TBL1X: variants seen among roughly 807,000 people sequenced by gnomAD.
The protein encoded by TBL1X is transducin beta like 1 X-linked.
A neutral mutation model predicts 50.7 loss-of-function variants in TBL1X; 10 were observed. The ratio of observed to expected loss-of-function variants is 0.20; its 90% CI spans 0.12 to 0.33. The LOEUF is 0.33. Among genes scored for constraint, TBL1X ranks in the 10% least tolerant of loss-of-function variants. TBL1X has a pLI of 1.00. For missense variants in TBL1X, 340 were observed against 504.4 expected (o/e 0.67, Z 3.12); for synonymous variants, 190 against 214.7 (o/e 0.88, Z 1.01).
chrX:9,501,918 C>T (rs1165605431), intron 2 of TBL1X, 69 bp downstream of exon 2: 2 of 110,827 alleles, frequency 1.8e-5, no homozygotes, highest in African/African-American at 3.3e-5. Context: ...TCCTCCCCTC[C>T]GCCCTCCGCG....
intron 5 of TBL1X, among the ~76,000 whole-genome samples, chrX:9,665,336 A>G (rs1383832928): frequency 9.8e-6 from 1 of 102,475 alleles, no homozygotes; most frequent in Non-Finnish European, 2.0e-5. Flanking sequence ...AAAGGGTGTT[A>G]CTGAAACTGC....
At chrX:9,513,301 C>T (rs1421711520) in intron 2 of TBL1X, among the ~76,000 whole-genome samples, 1 of 110,939 alleles carries the variant, frequency 9.0e-6, no homozygotes. Context: ...TTAGACTCTA[C>T]TGACGAGTAT....
intron 12 of TBL1X, among the ~76,000 whole-genome samples, chrX:9,698,564 C>T (rs1021189796): frequency 9.0e-6 from 1 of 111,697 alleles, no homozygotes; most frequent in Non-Finnish European, 1.9e-5. Flanking sequence ...AGTCTCAGTG[C>T]CCAGAGTTTT....
Position 9,688,197 on chromosome X carries a change from G to A in TBL1X, c.538G>A (p.Ala180Thr). Residue 180 changes from alanine to threonine, a missense_variant, in exon 7 of 18, where the codon GCC (alanine) becomes ACC (threonine). Physicochemically the swap from Ala to Thr is moderately conservative, Grantham distance 58. This residue lies in a region of TBL1X where 99 missense variants were observed against 93.3 expected (regional missense o/e 1.06). Transcript: ENST00000645353. Reference sequence around the variant, plus strand: ...AGCGACAGCAGCCACCACGACCTCAGCCGGCGTTTCCCACCAAAATCCATC... The same window carrying A: ...AGCGACAGCAGCCACCACGACCTCAACCGGCGTTTCCCACCAAAATCCATC... The part of the protein sequence containing the change: ...AAATAATTTS[A>T]GVSHQNPSKN... 1 of 1,198,539 alleles carries A rather than the reference G, an allele frequency of 8.3e-7. No individual in the cohort carries two copies. The highest frequency in any genetic ancestry group is 1.8e-5 in the South Asian group (1 of 55,091).
At chrX:9,565,406 G>C (rs1235885896) in intron 2 of TBL1X, among the ~76,000 whole-genome samples, 1 of 110,924 alleles carries the variant, frequency 9.0e-6, no homozygotes, top group African/African-American at 3.3e-5. Flanking sequence ...CGAAAACGTG[G>C]AAGGGTCAGT....
intron 2 of TBL1X, among the ~76,000 whole-genome samples, chrX:9,543,209 A>C: frequency 9.0e-6 from 1 of 111,496 alleles, no homozygotes; most frequent in Admixed American, 9.4e-5. Context: ...GATCACCCTC[A>C]GTGCCTCCCT....
chrX:9,471,353 T>G (rs1213533010), intron 1 of TBL1X, among the ~76,000 whole-genome samples: 1 of 112,277 alleles, frequency 8.9e-6, no homozygotes, highest in East Asian at 2.8e-4. Flanking sequence ...TGTCCTACCG[T>G]GTAGAGTTAA....
At chrX:9,565,271 C>CAAAAAAAA (rs757679440) in intron 2 of TBL1X, among the ~76,000 whole-genome samples, 709 of 37,264 alleles carry the variant, frequency 0.019, 99 homozygotes, top group Admixed American at 0.024. Flanking sequence ...GACTCCGTCT[C>CAAAAAAAA]AAAAAAAAAA....
chrX:9,626,927 G>A (rs988448137), intron 2 of TBL1X, among the ~76,000 whole-genome samples: 6 of 112,190 alleles, frequency 5.3e-5, no homozygotes, highest in Middle Eastern at 9.2e-3. Context: ...CCTATTCAGC[G>A]GCTGTAGTCA....
At chrX:9,702,441 CAAAAAAA>C (rs368394481) in intron 12 of TBL1X, among the ~76,000 whole-genome samples, 1 of 45,195 alleles carries the variant, frequency 2.2e-5, no homozygotes, top group African/African-American at 7.8e-5. Flanking sequence ...GATCCTGTCT[CAAAAAAA>C]AAAAAAAAAA....
intron 1 of TBL1X, among the ~76,000 whole-genome samples, chrX:9,497,819 G>A (rs1392816223): frequency 8.0e-5 from 6 of 75,316 alleles, no homozygotes; most frequent in Middle Eastern, 0.01. Flanking sequence ...CCTCCCTCTC[G>A]TTTCTTTCTT....
chrX:9,556,162 C>G (rs1381575581), intron 2 of TBL1X, among the ~76,000 whole-genome samples: 1 of 107,275 alleles, frequency 9.3e-6, no homozygotes, highest in Non-Finnish European at 1.9e-5. Flanking sequence ...GTATTCCAGC[C>G]TAGGTGCCAG....
At chrX:9,624,778 C>T (rs762113135) in intron 2 of TBL1X, among the ~76,000 whole-genome samples, 12 of 111,456 alleles carry the variant, frequency 1.1e-4, no homozygotes, top group Non-Finnish European at 2.3e-4. Flanking sequence ...ATAAGGTATG[C>T]GTATAACTAA....
At chrX:9,610,714 A>G (rs1356765526) in intron 2 of TBL1X, among the ~76,000 whole-genome samples, 1 of 112,452 alleles carries the variant, frequency 8.9e-6, no homozygotes, top group East Asian at 2.8e-4. Context: ...CATTTTAAGC[A>G]TGATTTCTGT....
chrX:9,595,923 T>C (rs2238865), intron 2 of TBL1X, among the ~76,000 whole-genome samples: 37,755 of 111,171 alleles, frequency 0.34, 4,775 homozygotes, highest in East Asian at 0.67. Flanking sequence ...CCAGAAGTCT[T>C]AGGTCATTTG....
chrX:9,620,984 C>T (rs2082664014), intron 2 of TBL1X, among the ~76,000 whole-genome samples: 1 of 111,973 alleles, frequency 8.9e-6, no homozygotes, highest in African/African-American at 3.3e-5. Flanking sequence ...TGCATGTGTC[C>T]TGCCAGGGGA....
At chrX:9,557,636 A>C (rs757662086) in intron 2 of TBL1X, among the ~76,000 whole-genome samples, 2 of 111,341 alleles carry the variant, frequency 1.8e-5, no homozygotes, top group African/African-American at 6.5e-5. Flanking sequence ...GGGGAGAGCA[A>C]ATTTACTTTT....
intron 2 of TBL1X, among the ~76,000 whole-genome samples, chrX:9,600,136 G>A (rs983064222): frequency 1.6e-4 from 18 of 111,692 alleles, no homozygotes; most frequent in African/African-American, 5.2e-4. Context: ...CTGGCAAGAC[G>A]TCTTAGTCTG....
intron 11 of TBL1X, among the ~76,000 whole-genome samples, chrX:9,694,714 C>T (rs932532309): frequency 1.8e-5 from 2 of 111,938 alleles, no homozygotes; most frequent in African/African-American, 6.5e-5. Flanking sequence ...TGGCTCACGC[C>T]TGTAATCCCA....
Sources: allele counts gnomAD v4.1 joint callset (sites outside exome capture counted in the v4.1 genomes callset), GRCh38; gene constraint gnomAD v4.1.1; regional missense constraint gnomAD v4.1.1; transcripts MANE v1.5; gene names NCBI Gene and HGNC (gene_info 2026-07-23, HGNC 2026-07-21).